Variants in TAB2 observed in about 807,000 individuals in gnomAD.
TAB2 encodes the protein TGF-beta-activated kinase 1 and MAP3K7-binding protein 2.
In TAB2, 3 loss-of-function variants were observed where a neutral mutation model predicts 65.0. The ratio of observed to expected loss-of-function variants is 0.05; its 90% confidence interval spans 0.02 to 0.12. TAB2 has a LOEUF of 0.12. TAB2 is among the 10% of genes least tolerant of loss of function. The pLI is 1.00. For missense variants in TAB2, 623 were observed against 840.3 expected (o/e 0.74, Z 3.20); for synonymous variants, 298 against 285.1 (o/e 1.05, Z -0.46).
intron 1 of TAB2, among the ~76,000 whole-genome samples, chr6:149,350,617 C>CTTTTTTTTTTTTT (rs150204735): frequency 2.2e-5 from 2 of 92,500 alleles, no homozygotes; most frequent in Non-Finnish European, 2.0e-5. Context: ...TATTTTATGT[C>CTTTTTTTTTTTTT]TTTTTTTTTT....
At chr6:149,376,369 ACTCCTTTGT>A (rs752668478) in intron 2 of TAB2, among the ~76,000 whole-genome samples, 6 of 152,052 alleles carry the variant, frequency 3.9e-5, no homozygotes, top group African/African-American at 1.2e-4. Flanking sequence ...ATTTTTCAAA[ACTCCTTTGT>A]TATTTAATTC....
At chr6:149,220,560 G>T (rs1427821395) in intron 1 of TAB2, among the ~76,000 whole-genome samples, 3 of 152,162 alleles carry the variant, frequency 2.0e-5, no homozygotes, top group African/African-American at 7.2e-5. Flanking sequence ...CATCAGAAAA[G>T]TTCTGAAGTT....
At chr6:149,357,798 C>T (rs1195818164) in intron 1 of TAB2, among the ~76,000 whole-genome samples, 3 of 151,916 alleles carry the variant, frequency 2.0e-5, no homozygotes, top group Non-Finnish European at 4.4e-5. Flanking sequence ...CTCCCAGGTT[C>T]AAGCGATTCT....
chr6:149,300,775 C>G (rs993081745), intron 1 of TAB2, among the ~76,000 whole-genome samples: 4 of 152,132 alleles, frequency 2.6e-5, no homozygotes, highest in Admixed American at 6.6e-5. Flanking sequence ...GGCAGAAGGC[C>G]AGGAGAGCAC....
At chr6:149,258,995 G>A (rs1433683421) in intron 1 of TAB2, among the ~76,000 whole-genome samples, 1 of 152,070 alleles carries the variant, frequency 6.6e-6, no homozygotes, top group Non-Finnish European at 1.5e-5. Flanking sequence ...AAGAATGAGG[G>A]TCACCTCTAG....
At chr6:149,341,536 A>G (rs1258148601) in intron 1 of TAB2, among the ~76,000 whole-genome samples, 2 of 152,198 alleles carry the variant, frequency 1.3e-5, no homozygotes, top group African/African-American at 4.8e-5. Context: ...CATGGACAGT[A>G]CAGCAGGGTG....
chr6:149,330,137 A>G lies in TAB2; in HGVS notation c.-90+12122A>G, dbSNP rs888636846. Among the ~76,000 whole-genome samples, 8 of 151,938 alleles carry G rather than the reference A, an allele frequency of 5.3e-5. No individual in the cohort carries two copies. The South Asian group carries it at 1.5e-3, about 28-fold the overall frequency. On this transcript the variant is annotated intron_variant, in intron 1 of 6. Coordinates refer to ENST00000637181, the MANE Select transcript of TAB2 (RefSeq NM_001292034.3). ...GTATAATCCCCTTGAGGTCCTTCCAAATTGTTGCATTTATCAATATTTATT... is the reference window on the plus strand; with the variant it reads ...GTATAATCCCCTTGAGGTCCTTCCAGATTGTTGCATTTATCAATATTTATT...
chr6:149,317,054 C>G (rs1779272895), upstream of TAB2, among the ~76,000 whole-genome samples: 2 of 150,304 alleles, frequency 1.3e-5, no homozygotes, highest in African/African-American at 4.9e-5. This position sits in a 1 kb window ranked among gnomAD's most constrained non-coding sequence, Gnocchi z 4.7. Context: ...GGCCGGGCCC[C>G]CGGACCCCAC....
intron 1 of TAB2, among the ~76,000 whole-genome samples, chr6:149,355,840 T>A: frequency 6.6e-6 from 1 of 152,094 alleles, no homozygotes; most frequent in Admixed American, 6.5e-5. Flanking sequence ...CCCAACTAAA[T>A]TTGAGAAATA....
At chr6:149,258,416 T>TACACACAC (rs56710457) in intron 1 of TAB2, among the ~76,000 whole-genome samples, 191 of 146,304 alleles carry the variant, frequency 1.3e-3, no homozygotes, top group Admixed American at 6.6e-3. Context: ...CATGACTGCC[T>TACACACAC]ACACACACAC....
chr6:149,340,527 T>C (rs1346789800), intron 1 of TAB2, among the ~76,000 whole-genome samples: 5 of 152,160 alleles, frequency 3.3e-5, no homozygotes, highest in Admixed American at 6.5e-5. Context: ...TAAATAACGT[T>C]GTATACCTGG....
intron 1 of TAB2, among the ~76,000 whole-genome samples, chr6:149,289,900 G>C (rs146469591): frequency 6.6e-6 from 1 of 152,044 alleles, no homozygotes; most frequent in South Asian, 2.1e-4. Flanking sequence ...GTGTGGGCGT[G>C]GGGGGCACAG....
intron 1 of TAB2, among the ~76,000 whole-genome samples, chr6:149,223,325 C>T (rs1281194781): frequency 6.6e-6 from 1 of 152,170 alleles, no homozygotes; most frequent in African/African-American, 2.4e-5. Context: ...TTTCCAGTAC[C>T]TCTTTTGTTT....
intron 1 of TAB2, among the ~76,000 whole-genome samples, chr6:149,302,125 A>G (rs491576): frequency 0.45 from 68,447 of 151,994 alleles, 19,025 homozygotes; most frequent in African/African-American, 0.8. Context: ...AAATATGTCC[A>G]AGATAGACTA....
chr6:149,373,530 T>G (rs1781300036), intron 2 of TAB2, among the ~76,000 whole-genome samples: 1 of 152,228 alleles, frequency 6.6e-6, no homozygotes, highest in Non-Finnish European at 1.5e-5. Flanking sequence ...GCGATCATAT[T>G]CCTTTCTCCT....
intron 1 of TAB2, among the ~76,000 whole-genome samples, chr6:149,354,564 A>G (rs142363513): frequency 6.6e-6 from 1 of 152,326 alleles, no homozygotes; most frequent in African/African-American, 2.4e-5. Flanking sequence ...GTTTTTTATT[A>G]GATCAAGAAG....
intron 1 of TAB2, among the ~76,000 whole-genome samples, chr6:149,337,481 G>C (rs1779969808): frequency 6.6e-6 from 1 of 152,142 alleles, no homozygotes. Context: ...GAAGTGATAA[G>C]CAGGAAAGGA....
At chr6:149,405,702 C>G (rs1782640336) in intron 6 of TAB2, among the ~76,000 whole-genome samples, 1 of 152,110 alleles carries the variant, frequency 6.6e-6, no homozygotes, top group Non-Finnish European at 1.5e-5. Context: ...TATCAAACTC[C>G]TGGAAACAGA....
At chr6:149,259,920 T>C (rs1778117306) in intron 1 of TAB2, among the ~76,000 whole-genome samples, 1 of 152,172 alleles carries the variant, frequency 6.6e-6, no homozygotes, top group African/African-American at 2.4e-5. Context: ...AAGACTTCAT[T>C]CTATAGTCAA....
Sources: allele counts gnomAD v4.1 joint callset (sites outside exome capture counted in the v4.1 genomes callset), GRCh38; gene constraint gnomAD v4.1.1; non-coding constraint Gnocchi (gnomAD v3.1); transcripts MANE v1.5; gene names NCBI Gene and HGNC (gene_info 2026-07-23, HGNC 2026-07-21).